The following TACR3 variants were observed in gnomAD, a reference collection of about 807,000 sequenced individuals.
TACR3 encodes the protein neuromedin-K receptor.
In TACR3, 34 loss-of-function variants were observed where a neutral mutation model predicts 35.0. The ratio of observed to expected loss-of-function variants is 0.97; its 90% CI spans 0.74 to 1.30. TACR3 has a LOEUF of 1.30. Among genes scored for constraint, TACR3 ranks in the 50% most tolerant of loss-of-function variants. The pLI, the probability that TACR3 is intolerant of heterozygous loss-of-function variation, is 0.00. For missense variants in TACR3, 558 were observed against 591.7 expected (o/e 0.94, Z 0.59); for synonymous variants, 233 against 221.1 (o/e 1.05, Z -0.48).
chr4:103,627,487 G>A (rs562653834), intron 3 of TACR3, among the ~76,000 whole-genome samples: 2 of 151,694 alleles, frequency 1.3e-5, no homozygotes, highest in South Asian at 4.2e-4. Flanking sequence ...CTGCTCCACG[G>A]CACTCCAGCC....
rs528227954 is a variant in TACR3 at position 103,627,644 on chromosome 4, C to CAAGT, written c.888+28546_888+28549dup. ...TACAGGAGCACCCAGATTCATAAAG[C>CAAGT]AAGTCCTTAGAGACCTACAAAGAGA... On this transcript the variant is annotated intron_variant, in intron 3 of 4. Transcript: ENST00000304883. 3.5e-3 allele frequency among the ~76,000 whole-genome samples: 532 copies of CAAGT among 152,220 alleles called. 7 individuals are homozygous for CAAGT. The highest frequency in any genetic ancestry group is 0.012 in the African/African-American group (508 of 41,530).
At chr4:103,718,682 G>A (rs879837111) in intron 1 of TACR3, among the ~76,000 whole-genome samples, 26 of 152,236 alleles carry the variant, frequency 1.7e-4, no homozygotes, top group Non-Finnish European at 3.7e-4. Context: ...AAGAGGGAAG[G>A]GTGGAGGGGC....
intron 1 of TACR3, among the ~76,000 whole-genome samples, chr4:103,661,813 T>C (rs1425597253): frequency 6.6e-6 from 1 of 152,176 alleles, no homozygotes; most frequent in Non-Finnish European, 1.5e-5. Context: ...CTTTTTGTCA[T>C]AGCTGGTCTG....
intron 3 of TACR3, among the ~76,000 whole-genome samples, chr4:103,602,641 G>T (rs1300015937): frequency 6.6e-6 from 1 of 152,102 alleles, no homozygotes; most frequent in Admixed American, 6.5e-5. Flanking sequence ...GTTGGAGTTT[G>T]CCTAGAGGTC....
At chr4:103,656,974 A>G (rs1045170622) in intron 2 of TACR3, among the ~76,000 whole-genome samples, 1 of 150,180 alleles carries the variant, frequency 6.7e-6, no homozygotes, top group Non-Finnish European at 1.5e-5. Flanking sequence ...AACAAAACAA[A>G]AAAACATGTC....
intron 1 of TACR3, among the ~76,000 whole-genome samples, chr4:103,687,118 G>C (rs1722266353): frequency 6.6e-6 from 1 of 150,932 alleles, no homozygotes; most frequent in African/African-American, 2.4e-5. Flanking sequence ...ATGTAATCCA[G>C]CATATAAACA....
At chr4:103,703,275 AC>A (rs1722703852) in intron 1 of TACR3, among the ~76,000 whole-genome samples, 2 of 152,200 alleles carry the variant, frequency 1.3e-5, no homozygotes, top group Admixed American at 1.3e-4. Flanking sequence ...TTGTAAGTGT[AC>A]AGTTCAATGG....
chr4:103,665,442 G>A (rs933163971), intron 1 of TACR3, among the ~76,000 whole-genome samples: 3 of 152,050 alleles, frequency 2.0e-5, no homozygotes, highest in Non-Finnish European at 2.9e-5. Flanking sequence ...AATAGTGAAA[G>A]TATTTGTTTC....
At chr4:103,597,708 T>G (rs1724069257) in intron 3 of TACR3, among the ~76,000 whole-genome samples, 2 of 151,210 alleles carry the variant, frequency 1.3e-5, no homozygotes, top group South Asian at 2.1e-4. Context: ...TGCAGTTTGG[T>G]TTTTTGTCCT....
Position 103,662,734 on chromosome 4 carries a change from A to C in TACR3, c.549-4331T>G, listed in dbSNP as rs72947148. Among the ~76,000 whole-genome samples, 1,345 of 152,264 alleles carry C rather than the reference A, an allele frequency of 8.8e-3. 21 individuals are homozygous for C. Among genetic ancestry groups the C allele is most frequent in the African/African-American group, 0.03 (1,235 of 41,532 alleles). Reference sequence around the variant, plus strand: ...GATATGTAGGGAGAATGTTATGTGAAGACAGAAGATTGAAATGTGGCATCA... The same window carrying C: ...GATATGTAGGGAGAATGTTATGTGACGACAGAAGATTGAAATGTGGCATCA... On this transcript the variant is annotated intron_variant, in intron 1 of 4. Coordinates refer to ENST00000304883, the MANE Select transcript of TACR3 (RefSeq NM_001059.3).
Position 103,586,801 on chromosome 4 carries a change from G to A in TACR3, c.*2881C>T, listed in dbSNP as rs184750578. Reference sequence around the variant, plus strand: ...AGTGAATTCTGTAACAATTATGTCCGCTTTAATATTTTCCCATACAGGTAA... The same window carrying A: ...AGTGAATTCTGTAACAATTATGTCCACTTTAATATTTTCCCATACAGGTAA... On this transcript the variant is annotated 3_prime_UTR_variant, in exon 5 of 5. Transcript: ENST00000304883. 18 of 152,098 alleles carry A rather than the reference G, an allele frequency of 1.2e-4. No homozygotes were observed. Among genetic ancestry groups the A allele is most frequent in the Middle Eastern group, 3.4e-3 (1 of 294 alleles). The allele number at this position is 152,098 out of a possible 1,614,324, so 9.4% of individuals were successfully genotyped here.
chr4:103,635,114 A>T (rs1172632121), intron 3 of TACR3, among the ~76,000 whole-genome samples: 2 of 152,056 alleles, frequency 1.3e-5, no homozygotes, highest in African/African-American at 2.4e-5. Flanking sequence ...GCACACATAT[A>T]TGCATATTTA....
intron 1 of TACR3, among the ~76,000 whole-genome samples, chr4:103,679,634 T>A (rs922927723): frequency 2.0e-5 from 3 of 151,950 alleles, no homozygotes; most frequent in African/African-American, 7.2e-5. Context: ...ATGAATCCTT[T>A]TAATTGAGCT....
intron 3 of TACR3, among the ~76,000 whole-genome samples, chr4:103,621,952 T>A (rs894839845): frequency 3.9e-5 from 6 of 152,174 alleles, no homozygotes; most frequent in African/African-American, 1.4e-4. Flanking sequence ...TAAATGAAAG[T>A]ATAAAAATAT....
At chr4:103,627,576 T>C (rs999038884) in intron 3 of TACR3, among the ~76,000 whole-genome samples, 3 of 151,968 alleles carry the variant, frequency 2.0e-5, no homozygotes, top group African/African-American at 4.8e-5. Context: ...AAGGGATCAA[T>C]TCATCAAGAA....
At chr4:103,717,227 T>G (rs761506298) in intron 1 of TACR3, among the ~76,000 whole-genome samples, 2 of 149,000 alleles carry the variant, frequency 1.3e-5, no homozygotes, top group Non-Finnish European at 3.0e-5. Context: ...TGTATTTCTG[T>G]TTTTTTTTAA....
chr4:103,658,266 C>T lies in TACR3; in HGVS notation c.686G>A (p.Gly229Asp), dbSNP rs1725771009. 6.2e-7 allele frequency: 1 copy of T among 1,613,916 alleles called. No homozygotes were observed. Among genetic ancestry groups the T allele is most frequent in the Non-Finnish European group, 8.5e-7 (1 of 1,179,938 alleles). ...CCATTGCACAAAGCAGAGAGTACGG[C>T]CTGGCATGACTTTGGTTTTGGAATA... ...CLYSKTKVMPGRTLCFVQWPE... is the reference protein window; with the variant it reads ...CLYSKTKVMPDRTLCFVQWPE... The change falls in exon 2 of 5, where the codon GGC becomes GAC. Residue 229 changes from glycine to aspartate, a missense_variant. By Grantham distance (94) the Gly-to-Asp change is moderately conservative. Coordinates refer to ENST00000304883, the MANE Select transcript of TACR3 (RefSeq NM_001059.3).
At chr4:103,709,262 T>A (rs1722880077) in intron 1 of TACR3, among the ~76,000 whole-genome samples, 1 of 152,082 alleles carries the variant, frequency 6.6e-6, no homozygotes, top group Admixed American at 6.6e-5. Context: ...GAGAGAAAGG[T>A]CGGGTTACCC....
At chr4:103,630,750 A>C (rs1021059800) in intron 3 of TACR3, among the ~76,000 whole-genome samples, 2 of 152,212 alleles carry the variant, frequency 1.3e-5, no homozygotes, top group Non-Finnish European at 2.9e-5. Context: ...AAATTAGTTC[A>C]ACCATTGTGG....
Sources: allele counts gnomAD v4.1 joint callset (sites outside exome capture counted in the v4.1 genomes callset), GRCh38; gene constraint gnomAD v4.1.1; transcripts MANE v1.5; gene names NCBI Gene and HGNC (gene_info 2026-07-23, HGNC 2026-07-21).